PLEKHG5: variants seen among roughly 807,000 people sequenced by gnomAD.
PLEKHG5 encodes pleckstrin homology domain-containing family G member 5.
PLEKHG5 carries 52 observed loss-of-function variants against 103.8 expected under a neutral mutation model. That is an observed-to-expected ratio of 0.50 (90% CI 0.40 to 0.63). The LOEUF (loss-of-function observed/expected upper bound fraction) is 0.63, where lower values mean the gene tolerates loss of function less well. PLEKHG5 is among the 30% of genes least tolerant of loss of function. The probability of loss-of-function intolerance (pLI) is 0.00; values close to 1 mark genes in which losing one functional copy is unlikely to be tolerated. For missense variants in PLEKHG5, 1,205 were observed against 1,347.6 expected, an observed-to-expected ratio of 0.89 and a Z score of 1.66; for synonymous variants, 592 against 575.5, an observed-to-expected ratio of 1.03 and a Z score of -0.41.
chr1:6,513,965 C>T (rs565100953), intron 1 of PLEKHG5, among the ~76,000 whole-genome samples: 2 of 152,346 alleles, frequency 1.3e-5, no homozygotes, highest in East Asian at 3.9e-4. Context: ...AGGCTGTTTC[C>T]TGAGAGCCTC....
intron 1 of PLEKHG5, chr1:6,485,258 G>T: frequency 4.5e-6 from 5 of 1,119,706 alleles, no homozygotes; most frequent in Non-Finnish European, 5.8e-6. Flanking sequence ...CTCCCGCACA[G>T]GACTGGGCGG....
At chr1:6,467,676 T>C in intron 20 of PLEKHG5, 104 bp from the exon 21 acceptor site, 1 of 1,459,918 alleles carries the variant, frequency 6.8e-7, no homozygotes, top group East Asian at 2.3e-5. Flanking sequence ...CCTTCACTGC[T>C]GCCCACCACA....
chr1:6,477,451 C>A, intron 2 of PLEKHG5, 78 bp downstream of exon 2: 1 of 1,447,732 alleles, frequency 6.9e-7, no homozygotes, highest in South Asian at 1.1e-5. Flanking sequence ...TTATGACGCC[C>A]TAGCACGTTT....
rs112530241 is a variant in PLEKHG5 at position 6,476,016 on chromosome 1, C to T, written c.64G>A (p.Val22Met). 518 of 1,613,476 alleles carry T rather than the reference C, an allele frequency of 3.2e-4. 2 individuals are homozygous for T. In the African/African-American group the frequency reaches 5.5e-3, roughly 17 times the overall value. ...PPQGSVLARN[V>M]STRSCPPRTS... ...CGCGGCGGGCATGACCGGGTGGACACGTTCCGGGCCAGCACAGAGCCTTGG... is the reference window on the plus strand; with the variant it reads ...CGCGGCGGGCATGACCGGGTGGACATGTTCCGGGCCAGCACAGAGCCTTGG... Residue 22 changes from valine (V) to methionine (M), a missense_variant, in exon 3 of 21, where the codon GTG becomes ATG. Physicochemically the swap from Val to Met is conservative, Grantham distance 21 (BLOSUM62 1). Coordinates refer to ENST00000377728, the MANE Select transcript of PLEKHG5 (RefSeq NM_020631.6).
In PLEKHG5 at chr1:6,476,138, G is replaced by C. The variant is rs1453557449; in HGVS notation, c.44-102C>G. On this transcript the variant is annotated intron_variant, in intron 2 of 20. Coordinates refer to ENST00000377728, the MANE Select transcript of PLEKHG5 (RefSeq NM_020631.6). The stretch of plus-strand genomic sequence containing the variant: ...ACAGCCTGTTACCCTGGAACCCCCA[G>C]ATTAAAGGTAGCAAGGGCCCTTCAG... 3.1e-6 allele frequency: 3 copies of C among 976,504 alleles called. No homozygotes were observed. In the Admixed American group the frequency reaches 5.8e-5, roughly 19 times the overall value. 60.5% of individuals were successfully genotyped at this position (976,504 alleles called of 1,614,324 possible).
At chr1:6,475,608 C>T in intron 3 of PLEKHG5, 86 bp from the exon 4 acceptor site, 1 of 1,136,874 alleles carries the variant, frequency 8.8e-7, no homozygotes, top group South Asian at 1.2e-5. Context: ...GCCTCCCCGC[C>T]CTTGGCTCAC....
intron 7 of PLEKHG5, 35 bp downstream of exon 7, chr1:6,473,978 C>T: frequency 1.7e-6 from 2 of 1,146,642 alleles, no homozygotes; most frequent in Non-Finnish European, 1.3e-6. Context: ...GGGCCCCTTC[C>T]CACCCCCTCC....
intron 3 of PLEKHG5, 26 bp from the exon 4 acceptor site, chr1:6,475,548 G>T: frequency 6.2e-7 from 1 of 1,606,674 alleles, no homozygotes. Flanking sequence ...GAGGGCAGAG[G>T]CTGGAGGTGT....
intron 1 of PLEKHG5, among the ~76,000 whole-genome samples, chr1:6,512,329 G>A (rs1232107939): frequency 6.6e-6 from 1 of 152,188 alleles, no homozygotes; most frequent in African/African-American, 2.4e-5. Flanking sequence ...CTGAGGCCAC[G>A]TGAGCTCAAG....
intron 1 of PLEKHG5, among the ~76,000 whole-genome samples, chr1:6,509,077 C>T (rs1396737517): frequency 6.6e-6 from 1 of 152,226 alleles, no homozygotes; most frequent in Non-Finnish European, 1.5e-5. Context: ...TGCTCTCCCA[C>T]AGCCCCAGAC....
intron 1 of PLEKHG5, among the ~76,000 whole-genome samples, chr1:6,509,441 C>T (rs1295273060): frequency 6.6e-6 from 1 of 152,200 alleles, no homozygotes; most frequent in East Asian, 1.9e-4. Flanking sequence ...TGAGGGAGGA[C>T]CCAAGCAGGG....
At chr1:6,484,460 G>A (rs566069600) in intron 1 of PLEKHG5, among the ~76,000 whole-genome samples, 8 of 152,352 alleles carry the variant, frequency 5.3e-5, no homozygotes, top group African/African-American at 1.9e-4. Flanking sequence ...TCGTCGAGCA[G>A]ATCTGGTTGA....
rs991914225 is a variant in PLEKHG5, at chr1:6,488,898, G to A, written c.-88+2739C>T. 6.6e-5 allele frequency among the ~76,000 whole-genome samples: 10 copies of A among 152,166 alleles called. No individual in the cohort carries two copies. The South Asian group carries it at 1.5e-3, about 22-fold the overall frequency. On this transcript the variant is annotated intron_variant, in intron 1 of 20. Coordinates refer to ENST00000377728, the MANE Select transcript of PLEKHG5 (RefSeq NM_020631.6). ...ATGGAGTCTCCAAGGCAGGACCCCC[G>A]CACCCGGCTGTTCTCCCTCAGTATC...
upstream of PLEKHG5, among the ~76,000 whole-genome samples, chr1:6,495,798 G>T (rs1046947461): frequency 1.3e-5 from 2 of 152,246 alleles, no homozygotes; most frequent in Non-Finnish European, 2.9e-5. Flanking sequence ...CTGAACCTTG[G>T]TGTCTTCATC....
At chr1:6,517,758 C>G (rs920762854) in intron 1 of PLEKHG5, among the ~76,000 whole-genome samples, 1 of 152,224 alleles carries the variant, frequency 6.6e-6, no homozygotes, top group East Asian at 1.9e-4. Flanking sequence ...TCAGATCTGA[C>G]GACAAACAGA....
At chr1:6,504,272 A>G (rs571368901) in intron 1 of PLEKHG5, among the ~76,000 whole-genome samples, 204 of 151,882 alleles carry the variant, frequency 1.3e-3, no homozygotes, top group African/African-American at 4.8e-3. Context: ...ATCAGCTGCC[A>G]CACTCCTCCT....
chr1:6,512,173 G>C (rs1375527405), intron 1 of PLEKHG5, among the ~76,000 whole-genome samples: 3 of 152,182 alleles, frequency 2.0e-5, no homozygotes, highest in African/African-American at 7.2e-5. Context: ...ATGTCGCTCG[G>C]AAGGGGTTGG....
At chr1:6,504,898 T>C (rs75552560) in intron 1 of PLEKHG5, among the ~76,000 whole-genome samples, 2,374 of 152,248 alleles carry the variant, frequency 0.016, 53 homozygotes, top group African/African-American at 0.053. Context: ...CCCTTCGCTG[T>C]ATGGTCTGCG....
intron 1 of PLEKHG5, among the ~76,000 whole-genome samples, chr1:6,515,891 G>T (rs1353205284): frequency 2.6e-5 from 4 of 152,158 alleles, no homozygotes; most frequent in Non-Finnish European, 4.4e-5. Context: ...GACCACATAA[G>T]GAGTCACCTG....
Sources: allele counts gnomAD v4.1 joint callset (sites outside exome capture counted in the v4.1 genomes callset), GRCh38; gene constraint gnomAD v4.1.1; transcripts MANE v1.5; gene names NCBI Gene and HGNC (gene_info 2026-07-23, HGNC 2026-07-21).